Variants in RBFOX2 observed in about 807,000 individuals in gnomAD.
RBFOX2 encodes RNA binding fox-1 homolog 2.
RBFOX2 carries 10 observed loss-of-function variants against 49.1 expected under a neutral mutation model. That is an observed-to-expected ratio of 0.20 (90% CI 0.13 to 0.35). The LOEUF is 0.35. Among genes scored for constraint, RBFOX2 ranks in the 10% least tolerant of loss-of-function variants. The pLI is 1.00. For synonymous variants in RBFOX2, 183 were observed against 187.4 expected, an observed-to-expected ratio of 0.98 and a Z score of 0.19; for missense variants, 323 against 486.9, an observed-to-expected ratio of 0.66 and a Z score of 3.17.
Position 35,749,996 on chromosome 22 carries a change from A to G in RBFOX2, c.888-3435T>C, listed in dbSNP as rs1360665374. On this transcript the variant is annotated intron_variant, in intron 9 of 11. Coordinates refer to ENST00000405409, the Ensembl canonical transcript of RBFOX2. The surrounding 1 kb of genome is among the most constrained non-coding windows in gnomAD (Gnocchi z 4.1). ...CTAGGCTCTACCACAAGCTCGGTGA[A>G]GTACACAGCCTCAATTACTAGAGCG... is the stretch of plus-strand genomic sequence containing the variant. 6.6e-6 allele frequency among the ~76,000 whole-genome samples: 1 copy of G among 152,190 alleles called. No homozygotes were observed. The highest frequency in any genetic ancestry group is 1.5e-5 in the Non-Finnish European group (1 of 68,038).
At chr22:35,796,460 G>A (rs1007097106) in intron 2 of RBFOX2, among the ~76,000 whole-genome samples, 8 of 152,190 alleles carry the variant, frequency 5.3e-5, no homozygotes, top group Non-Finnish European at 1.0e-4. Context: ...TTTAACTTAA[G>A]TATACAAAGA....
exon 8 of RBFOX2, chr22:35,761,269 G>A (rs150725437): frequency 2.5e-6 from 4 of 1,613,982 alleles, no homozygotes; most frequent in Non-Finnish European, 3.4e-6. Context: ...CATTGCCTAG[G>A]GACACATCTG....
chr22:35,777,532 C>T (rs573400518), intron 4 of RBFOX2: 5 of 155,416 alleles, frequency 3.2e-5, no homozygotes, highest in African/African-American at 9.6e-5. Flanking sequence ...TTATTGCTCA[C>T]TCTGTTTAAG....
At chr22:35,970,722 A>T (rs970141715) in intron 1 of RBFOX2, among the ~76,000 whole-genome samples, 11 of 152,194 alleles carry the variant, frequency 7.2e-5, no homozygotes, top group African/African-American at 2.7e-4. Context: ...AAAGGGACAC[A>T]AAGTATGAAG....
chr22:35,826,158 T>C (rs939682164), intron 1 of RBFOX2, among the ~76,000 whole-genome samples: 1 of 150,930 alleles, frequency 6.6e-6, no homozygotes, highest in Admixed American at 6.6e-5. Flanking sequence ...CTGACCAACA[T>C]GGAGAAACCT....
At chr22:35,923,403 G>T (rs1431948084) in intron 1 of RBFOX2, among the ~76,000 whole-genome samples, 5 of 151,796 alleles carry the variant, frequency 3.3e-5, no homozygotes, top group African/African-American at 1.2e-4. Context: ...TAGAGATAGG[G>T]TCTTTTGTCG....
intron 1 of RBFOX2, among the ~76,000 whole-genome samples, chr22:35,900,426 A>G (rs1012748687): frequency 1.3e-5 from 2 of 152,140 alleles, no homozygotes; most frequent in African/African-American, 2.4e-5. Flanking sequence ...TCAAAAATGT[A>G]CCTGAGAAAT....
intron 1 of RBFOX2, among the ~76,000 whole-genome samples, chr22:35,856,780 C>A (rs2149039563): frequency 6.6e-6 from 1 of 152,252 alleles, no homozygotes; most frequent in East Asian, 1.9e-4. Flanking sequence ...CACCTGTAAT[C>A]CTAGCACTTT....
intron 1 of RBFOX2, among the ~76,000 whole-genome samples, chr22:35,978,448 A>G (rs1043302594): frequency 2.6e-5 from 4 of 152,222 alleles, no homozygotes; most frequent in African/African-American, 9.6e-5. Flanking sequence ...ACACTCTAGT[A>G]GCAATATGCA....
At chr22:35,809,988 G>A in exon 2 of RBFOX2, 1 of 1,614,140 alleles carries the variant, frequency 6.2e-7, no homozygotes, top group Non-Finnish European at 8.5e-7. Flanking sequence ...AGGAGTTGTT[G>A]TCGGCTCCTG....
intron 1 of RBFOX2, among the ~76,000 whole-genome samples, chr22:35,853,292 TAAAA>T (rs11289647): frequency 1.5e-5 from 2 of 129,810 alleles, no homozygotes; most frequent in Admixed American, 8.0e-5. Context: ...AGCCTCTGTC[TAAAA>T]AAAAAAAAAA....
At chr22:36,019,680 T>C (rs1296656619) in intron 1 of RBFOX2, among the ~76,000 whole-genome samples, 1 of 152,214 alleles carries the variant, frequency 6.6e-6, no homozygotes, top group African/African-American at 2.4e-5. Context: ...ATGGTGTTTA[T>C]TTACTACACC....
chr22:36,007,196 T>G (rs1422198543), intron 1 of RBFOX2, among the ~76,000 whole-genome samples: 1 of 152,110 alleles, frequency 6.6e-6, no homozygotes, highest in East Asian at 1.9e-4. Flanking sequence ...ATCTCTTATC[T>G]ACCCCTCCAT....
intron 1 of RBFOX2, among the ~76,000 whole-genome samples, chr22:35,819,776 TA>T (rs1413746465): frequency 6.6e-6 from 1 of 152,156 alleles, no homozygotes; most frequent in African/African-American, 2.4e-5. Context: ...AATTGGCAAG[TA>T]AAACAATAAA....
At chr22:35,840,570 G>A in exon 1 of RBFOX2, 1 of 1,172,260 alleles carries the variant, frequency 8.5e-7, no homozygotes, top group Non-Finnish European at 1.1e-6. Context: ...AACTCCAGAA[G>A]CAGGCCTGCT....
intron 1 of RBFOX2, among the ~76,000 whole-genome samples, chr22:35,874,640 T>C (rs1242388419): frequency 6.6e-6 from 1 of 152,230 alleles, no homozygotes; most frequent in East Asian, 1.9e-4. Flanking sequence ...TAGCTATTAA[T>C]GGGTTCAACA....
Position 35,744,248 on chromosome 22 carries a change from G to A in RBFOX2, c.1051C>T (p.Arg351Ter). 1 of 1,610,262 alleles carries A rather than the reference G, an allele frequency of 6.2e-7. No individual in the cohort carries two copies. The highest frequency in any genetic ancestry group is 8.5e-7 in the Non-Finnish European group (1 of 1,178,108). The change falls in exon 12 of 12, where the codon CGA becomes TGA. Residue 351 changes from arginine to a stop codon, truncating the protein, a stop_gained and splice_region_variant. Coordinates refer to ENST00000405409, the Ensembl canonical transcript of RBFOX2. LOFTEE classifies it high-confidence loss of function. ...GCTGTAGCCACCTCGGTATAAACTC[G>A]CCTGCAGTAATTAAAGAGATAAAAA... is the stretch of plus-strand genomic sequence containing the variant.
intron 1 of RBFOX2, among the ~76,000 whole-genome samples, chr22:35,979,774 C>T (rs1435607664): frequency 3.3e-5 from 5 of 152,156 alleles, no homozygotes; most frequent in African/African-American, 7.2e-5. Context: ...GTCTTTGATT[C>T]TCACAACGAA....
chr22:35,943,287 T>C (rs2149782559), upstream of RBFOX2, among the ~76,000 whole-genome samples: 1 of 152,290 alleles, frequency 6.6e-6, no homozygotes, highest in African/African-American at 2.4e-5. Context: ...TAACTGGCAT[T>C]TAAAGCAGAG....
Sources: gnomAD v4.1 joint callset for allele counts (sites outside exome capture counted in the v4.1 genomes callset) on GRCh38, gnomAD v4.1.1 for gene constraint, Gnocchi (gnomAD v3.1) non-coding constraint, MANE v1.5 for transcripts, NCBI Gene and HGNC (gene_info 2026-07-23, HGNC 2026-07-21) for gene names.